SNTB1: variants seen among roughly 807,000 people sequenced by gnomAD.
SNTB1 encodes the protein beta-1-syntrophin.
Under a neutral mutation model 48.9 loss-of-function variants are expected in SNTB1, and 36 were observed. That is an observed-to-expected ratio of 0.74 (90% CI 0.56 to 0.97). The LOEUF is 0.97. SNTB1 is among the 50% of genes least tolerant of loss of function. SNTB1 has a pLI of 0.00. For missense variants in SNTB1, 786 were observed against 703.4 expected (o/e 1.12, Z -1.33); for synonymous variants, 299 against 294.6 (o/e 1.01, Z -0.15).
At position 120,731,712 on chromosome 8, in the gene SNTB1, A is replaced by G. The variant is rs1395797626; in HGVS notation, c.572-37804T>C. On this transcript the variant is annotated intron_variant, in intron 1 of 6. Coordinates refer to ENST00000517992, the MANE Select transcript of SNTB1 (RefSeq NM_021021.4). ...GAAGACTGGCCCTGAATCACCTAGC[A>G]AGTGAGTACCAGACCCAGAACCAGT... 2.0e-5 allele frequency among the ~76,000 whole-genome samples: 3 copies of G among 152,286 alleles called. No homozygotes were observed. The East Asian group carries it at 5.8e-4, about 29-fold the overall frequency.
intron 2 of SNTB1, among the ~76,000 whole-genome samples, chr8:120,646,722 A>T (rs1021013978): frequency 3.1e-4 from 47 of 152,208 alleles, no homozygotes; most frequent in African/African-American, 1.1e-3. Flanking sequence ...ATTGATTGGA[A>T]TAGTTTCAGA....
At chr8:120,564,982 A>G (rs2130672707) in intron 4 of SNTB1, among the ~76,000 whole-genome samples, 1 of 152,352 alleles carries the variant, frequency 6.6e-6, no homozygotes, top group South Asian at 2.1e-4. Context: ...CAGGTCTGTC[A>G]AATCTGATAT....
At chr8:120,762,592 T>A (rs1819440652) in intron 1 of SNTB1, among the ~76,000 whole-genome samples, 1 of 152,212 alleles carries the variant, frequency 6.6e-6, no homozygotes, top group African/African-American at 2.4e-5. Flanking sequence ...GTTGCCAACA[T>A]GTTACTTTGC....
At chr8:120,700,746 G>T (rs1045030498) in intron 1 of SNTB1, among the ~76,000 whole-genome samples, 1 of 152,204 alleles carries the variant, frequency 6.6e-6, no homozygotes, top group Admixed American at 6.5e-5. Context: ...CTAAATCTTT[G>T]TTGGGTTGGC....
At chr8:120,797,709 A>C (rs1420256350) in intron 1 of SNTB1, among the ~76,000 whole-genome samples, 1 of 151,852 alleles carries the variant, frequency 6.6e-6, no homozygotes, top group Non-Finnish European at 1.5e-5. Flanking sequence ...GAAGACAAAC[A>C]GTTCGTAATA....
intron 1 of SNTB1, among the ~76,000 whole-genome samples, chr8:120,739,009 T>C (rs1301): frequency 0.13 from 19,983 of 152,182 alleles, 1,718 homozygotes; most frequent in African/African-American, 0.24. Flanking sequence ...TTCTTCTGTT[T>C]GACAGTTGAA....
chr8:120,542,781 C>T (rs1053732231), intron 5 of SNTB1, among the ~76,000 whole-genome samples: 1 of 151,640 alleles, frequency 6.6e-6, no homozygotes, highest in Non-Finnish European at 1.5e-5. Flanking sequence ...CAGCATACAC[C>T]CATGACATCA....
intron 1 of SNTB1, among the ~76,000 whole-genome samples, chr8:120,742,791 A>G (rs1819062599): frequency 6.6e-6 from 1 of 152,162 alleles, no homozygotes; most frequent in African/African-American, 2.4e-5. Context: ...AGAAGGTGCT[A>G]AACACTGCAT....
Position 120,750,969 on chromosome 8 carries a change from T to A in SNTB1, c.572-57061A>T, listed in dbSNP as rs908530343. 2.5e-4 allele frequency among the ~76,000 whole-genome samples: 38 copies of A among 152,104 alleles called. 2 individuals carry two copies. Among genetic ancestry groups the A allele is most frequent in the Non-Finnish European group, 1.5e-5 (1 of 68,018 alleles). ...AAAACACATACAATCAGCCTGCTAC[T>A]TAACTATTATGACGTTGTCTTCTAA... On this transcript the variant is annotated intron_variant, in intron 1 of 6. Transcript: ENST00000517992.
intron 2 of SNTB1, among the ~76,000 whole-genome samples, chr8:120,635,378 T>C (rs568681381): frequency 2.0e-5 from 3 of 152,340 alleles, no homozygotes; most frequent in East Asian, 1.9e-4. Flanking sequence ...ACAATGATGG[T>C]TATTAACTGG....
At chr8:120,550,253 T>C (rs1815456586) in intron 4 of SNTB1, among the ~76,000 whole-genome samples, 1 of 152,072 alleles carries the variant, frequency 6.6e-6, no homozygotes, top group Admixed American at 6.6e-5. Flanking sequence ...TCATTAAAGA[T>C]ATGGAAGGCC....
intron 2 of SNTB1, among the ~76,000 whole-genome samples, chr8:120,665,474 T>A (rs928769935): frequency 4.8e-5 from 7 of 144,374 alleles, no homozygotes; most frequent in East Asian, 2.0e-4. Context: ...AAATAAAATA[T>A]ATATGTTCTG....
Position 120,570,095 on chromosome 8 carries a change from C to T in SNTB1, c.1136+4991G>A, listed in dbSNP as rs145119009. The stretch of plus-strand genomic sequence containing the variant: ...AAGGCAGAGCCTTTCTCAGTCTCCT[C>T]ATCTTACCAGGGGGTTGAAGTCCCA... On this transcript the variant is annotated intron_variant, in intron 4 of 6. Coordinates refer to ENST00000517992, the MANE Select transcript of SNTB1 (RefSeq NM_021021.4). Among the ~76,000 whole-genome samples, 453 of 152,264 alleles carry T rather than the reference C, an allele frequency of 3.0e-3. 2 individuals carry two copies. Among genetic ancestry groups the T allele is most frequent in the African/African-American group, 9.8e-3 (406 of 41,538 alleles).
chr8:120,709,908 G>C (rs765399768), intron 1 of SNTB1, among the ~76,000 whole-genome samples: 3 of 151,620 alleles, frequency 2.0e-5, no homozygotes, highest in South Asian at 2.1e-4. Flanking sequence ...AAAGTGTCTG[G>C]TATTTAAAAA....
At chr8:120,752,108 G>C (rs1340508419) in intron 1 of SNTB1, among the ~76,000 whole-genome samples, 1 of 152,102 alleles carries the variant, frequency 6.6e-6, no homozygotes, top group East Asian at 1.9e-4. Flanking sequence ...ATCAAATTGA[G>C]AGAGATAATT....
intron 3 of SNTB1, among the ~76,000 whole-genome samples, chr8:120,593,702 G>A (rs1816279289): frequency 6.6e-6 from 1 of 152,196 alleles, no homozygotes; most frequent in Admixed American, 6.5e-5. Context: ...GTTAATGATA[G>A]GATTTCAGCC....
chr8:120,753,424 T>G (rs1385084652), intron 1 of SNTB1, among the ~76,000 whole-genome samples: 2 of 152,084 alleles, frequency 1.3e-5, no homozygotes, highest in African/African-American at 4.8e-5. Flanking sequence ...AAATCCAATC[T>G]CCAGTTCAAG....
At chr8:120,774,861 C>T (rs1312587432) in intron 1 of SNTB1, among the ~76,000 whole-genome samples, 1 of 152,140 alleles carries the variant, frequency 6.6e-6, no homozygotes, top group African/African-American at 2.4e-5. Context: ...ACCATGTTGG[C>T]CAGGCTGGTC....
chr8:120,755,894 T>G (rs998100929), intron 1 of SNTB1, among the ~76,000 whole-genome samples: 1 of 152,122 alleles, frequency 6.6e-6, no homozygotes, highest in East Asian at 1.9e-4. Flanking sequence ...GGATAAGAAG[T>G]CTCGAAGATG....
Sources: allele counts gnomAD v4.1 joint callset (sites outside exome capture counted in the v4.1 genomes callset), GRCh38; gene constraint gnomAD v4.1.1; transcripts MANE v1.5; gene names NCBI Gene and HGNC (gene_info 2026-07-23, HGNC 2026-07-21).